The following TES variants were observed in gnomAD, a reference collection of about 807,000 sequenced individuals.
The protein encoded by TES is testin LIM domain protein, also known as testin.
Under a neutral mutation model 48.2 loss-of-function variants are expected in TES, and 41 were observed. The observed-to-expected ratio is 0.85, with a 90% CI of 0.66 to 1.10. TES has a LOEUF of 1.10. Ranked by LOEUF, TES falls within the 50% of genes least tolerant of loss-of-function variation. The pLI, the probability that TES is intolerant of heterozygous loss-of-function variation, is 0.00. For missense variants in TES, 463 were observed against 515.1 expected (o/e 0.90, Z 0.98); for synonymous variants, 162 against 174.9 (o/e 0.93, Z 0.58).
chr7:116,231,944 T>TTTTA (rs1799706112), intron 1 of TES, among the ~76,000 whole-genome samples: 1 of 152,148 alleles, frequency 6.6e-6, no homozygotes, highest in Non-Finnish European at 1.5e-5. Context: ...GGGTTTATAA[T>TTTTA]TTTATTTTTG....
Position 116,236,283 on chromosome 7 carries a change from C to T in TES, c.113+1664C>T, listed in dbSNP as rs1383702716. Among the ~76,000 whole-genome samples the T allele has an allele frequency of 2.0e-5, 3 of 152,234 alleles. No individual in the cohort carries two copies. In the East Asian group the frequency reaches 5.8e-4, roughly 29 times the overall value. ...ATAAAATCCAAAATCCAAAATGCTCCAAAACCAAAACTTCTTGAGTGTCAA... is the reference window on the plus strand; with the variant it reads ...ATAAAATCCAAAATCCAAAATGCTCTAAAACCAAAACTTCTTGAGTGTCAA... On this transcript the variant is annotated intron_variant, in intron 2 of 6. Transcript: ENST00000358204.
Position 116,257,476 on chromosome 7 carries a change from G to A in TES, c.1260G>A (p.Met420Ile), listed in dbSNP as rs760456232. ...VFCSVECKKR[M>I]S ...GTTCAGTGGAATGTAAGAAGAGGAT[G>A]TCTTAGGAGGAGGGCACCCAGAAGT... is the stretch of plus-strand genomic sequence containing the variant. The change falls in exon 7 of 7, where the codon ATG (methionine) becomes ATA (isoleucine). Residue 420 changes from methionine to isoleucine, a missense_variant. By Grantham distance (10) the Met-to-Ile change is conservative. Coordinates refer to ENST00000358204, the MANE Select transcript of TES (RefSeq NM_015641.4). The A allele has an allele frequency of 5.6e-6, 9 of 1,604,912 alleles. No individual in the cohort carries two copies. Among genetic ancestry groups the A allele is most frequent in the Non-Finnish European group, 7.7e-6 (9 of 1,174,994 alleles).
Position 116,245,656 on chromosome 7 carries a change from T to G in TES, c.114-3364T>G, listed in dbSNP as rs146750189. On this transcript the variant is annotated intron_variant, in intron 2 of 6. Coordinates refer to ENST00000358204, the MANE Select transcript of TES (RefSeq NM_015641.4). ...AGCTATTACCCAGTTCCAAAATCAC[T>G]TCCACATTTTCAGGTATCCTTATGG... Among the ~76,000 whole-genome samples, 1,441 of 152,308 alleles carry G rather than the reference T, an allele frequency of 9.5e-3. 99 individuals are homozygous for G. Among genetic ancestry groups the G allele is most frequent in the Admixed American group, 0.09 (1,382 of 15,296 alleles).
At chr7:116,227,138 G>A (rs1413139156) in intron 1 of TES, among the ~76,000 whole-genome samples, 1 of 147,778 alleles carries the variant, frequency 6.8e-6, no homozygotes, top group Non-Finnish European at 1.5e-5. Context: ...ATTTATTGGA[G>A]ATGGAGTCTC....
At chr7:116,257,233 T>G (rs2402060) in intron 6 of TES, 61 bp from the exon 7 acceptor site, 181,138 of 1,455,610 alleles carry the variant, frequency 0.12, 11,666 homozygotes, top group South Asian at 0.18. Flanking sequence ...TGTCCTAAGA[T>G]GAAAATGTTA....
At chr7:116,245,709 T>G (rs1799913958) in intron 2 of TES, among the ~76,000 whole-genome samples, 1 of 152,156 alleles carries the variant, frequency 6.6e-6, no homozygotes, top group South Asian at 2.1e-4. Context: ...AAGTACCAGT[T>G]TACTGTATTT....
At chr7:116,214,629 C>T (rs1009395489) in intron 1 of TES, among the ~76,000 whole-genome samples, 1 of 152,166 alleles carries the variant, frequency 6.6e-6, no homozygotes, top group African/African-American at 2.4e-5. Flanking sequence ...AAGTCCCTTT[C>T]TCTTAATTGT....
intron 2 of TES, among the ~76,000 whole-genome samples, chr7:116,239,754 G>A (rs111943686): frequency 2.4e-3 from 365 of 152,286 alleles, no homozygotes; most frequent in African/African-American, 8.6e-3. Context: ...AAAATAAAAG[G>A]TTCAGGAAGC....
At chr7:116,227,040 A>G (rs1799629356) in intron 1 of TES, among the ~76,000 whole-genome samples, 2 of 152,096 alleles carry the variant, frequency 1.3e-5, no homozygotes, top group Admixed American at 1.3e-4. Context: ...AAAATGTGCA[A>G]CTATTTTTAT....
At position 116,250,496 on chromosome 7, in the gene TES, T is replaced by G. The variant is rs762808734; in HGVS notation, c.702T>G (p.Tyr234Ter). Residue 234 changes from tyrosine (Y) to a stop codon, truncating the protein, a stop_gained and splice_region_variant, in exon 4 of 7, where the codon TAT (tyrosine) becomes TAG (stop). Coordinates refer to ENST00000358204, the MANE Select transcript of TES (RefSeq NM_015641.4). LOFTEE classifies it high-confidence loss of function. ...DKSAEHKRTQ[Y>*]SCYCCKLSMK... ...CTGCTGAGCACAAAAGAACTCAATATGTAAGTAGAGTGGTCACACTGTTAG... is the reference window on the plus strand; with the variant it reads ...CTGCTGAGCACAAAAGAACTCAATAGGTAAGTAGAGTGGTCACACTGTTAG... The G allele has an allele frequency of 1.3e-5, 20 of 1,527,624 alleles. No homozygotes were observed. The highest frequency in any genetic ancestry group is 1.7e-5 in the Non-Finnish European group (19 of 1,140,106). The allele number at this position is 1,527,624 out of a possible 1,614,324, so 94.6% of individuals were successfully genotyped here. A position where few individuals can be genotyped will look rare whatever the true frequency, so the allele number is the denominator to read the frequency against.
intron 2 of TES, among the ~76,000 whole-genome samples, chr7:116,248,226 C>T (rs1480626551): frequency 1.3e-5 from 2 of 152,040 alleles, no homozygotes; most frequent in African/African-American, 4.8e-5. Context: ...CATTGATGGG[C>T]GTCTAGGTTG....
rs200871096 is a variant in TES at position 116,250,485 on chromosome 7, A to G, written c.691A>G (p.Arg231Gly). 1 of 1,542,848 alleles carries G rather than the reference A, an allele frequency of 6.5e-7. No individual in the cohort carries two copies. The highest frequency in any genetic ancestry group is 1.4e-5 in the African/African-American group (1 of 72,482). ...AMEDKSAEHK[R>G]TQYSCYCCKL... Reference sequence around the variant, plus strand: ...GGAGGACAAATCTGCTGAGCACAAAAGAACTCAATATGTAAGTAGAGTGGT... The same window carrying G: ...GGAGGACAAATCTGCTGAGCACAAAGGAACTCAATATGTAAGTAGAGTGGT... Residue 231 changes from arginine (R) to glycine (G), a missense_variant, in exon 4 of 7, where the codon AGA (arginine) becomes GGA (glycine). Physicochemically the swap from Arg to Gly is moderately radical, Grantham distance 125. Coordinates refer to ENST00000358204, the MANE Select transcript of TES (RefSeq NM_015641.4).
At chr7:116,212,655 T>G (rs1007306919) in intron 1 of TES, among the ~76,000 whole-genome samples, 21 of 152,198 alleles carry the variant, frequency 1.4e-4, no homozygotes, top group Admixed American at 1.4e-3. Context: ...GGGAAGAAGT[T>G]CAAACTTAAA....
At position 116,252,434 on chromosome 7, in the gene TES, C is replaced by T. The variant is rs1224774317; in HGVS notation, c.1035C>T (p.Asp345=). Residue 345 remains aspartate, a synonymous_variant, in exon 6 of 7, where the codon GAC becomes GAT. Transcript: ENST00000358204. The part of the protein sequence containing the change: ...LAGEIYVMVN[D]KPVCKPCYVK... ...GGGAGATATACGTGATGGTCAATGA[C>T]AAGCCCGTGTGCAAGCCCTGCTATG... The T allele has an allele frequency of 6.2e-7, 1 of 1,614,204 alleles. No homozygotes were observed.
At chr7:116,254,955 G>A (rs1275989723) in intron 6 of TES, among the ~76,000 whole-genome samples, 1 of 151,536 alleles carries the variant, frequency 6.6e-6, no homozygotes, top group Non-Finnish European at 1.5e-5. Context: ...ATTTGGAGAA[G>A]GTTATCTAGT....
intron 1 of TES, among the ~76,000 whole-genome samples, chr7:116,226,750 GT>G (rs1407025084): frequency 6.6e-6 from 1 of 152,172 alleles, no homozygotes. Flanking sequence ...AGACTGTGTG[GT>G]TTTTAGAAAA....
intron 1 of TES, among the ~76,000 whole-genome samples, chr7:116,225,840 A>AG (rs1327979861): frequency 6.6e-6 from 1 of 152,226 alleles, no homozygotes; most frequent in Non-Finnish European, 1.5e-5. Context: ...TTTAGGAAAT[A>AG]GGGCTTCTTT....
chr7:116,226,734 G>A (rs58308630), intron 1 of TES, among the ~76,000 whole-genome samples: 18,307 of 152,188 alleles, frequency 0.12, 1,110 homozygotes, highest in South Asian at 0.19. Flanking sequence ...GTGCAGATGA[G>A]GGAGCAGACT....
At chr7:116,253,876 G>A (rs779989190) in intron 6 of TES, among the ~76,000 whole-genome samples, 5 of 152,076 alleles carry the variant, frequency 3.3e-5, no homozygotes, top group Non-Finnish European at 7.4e-5. Flanking sequence ...GTGTGTGTGT[G>A]TGTGAATATC....
Sources: gnomAD v4.1 joint callset for allele counts (sites outside exome capture counted in the v4.1 genomes callset) on GRCh38, gnomAD v4.1.1 for gene constraint, MANE v1.5 for transcripts, NCBI Gene and HGNC (gene_info 2026-07-23, HGNC 2026-07-21) for gene names.